The following RNF220 variants were observed in gnomAD, a reference collection of about 807,000 sequenced individuals.
RNF220 encodes the protein E3 ubiquitin-protein ligase RNF220.
In RNF220, 7 loss-of-function variants were observed where a neutral mutation model predicts 67.1. The ratio of observed to expected loss-of-function variants is 0.10; its 90% CI spans 0.06 to 0.20. The LOEUF (loss-of-function observed/expected upper bound fraction) is 0.20. RNF220 is among the 10% of genes least tolerant of loss of function. The probability of loss-of-function intolerance (pLI) is 1.00; values close to 1 mark genes in which losing one functional copy is unlikely to be tolerated. For synonymous variants in RNF220, 270 were observed against 283.2 expected (o/e 0.95, Z 0.47); for missense variants, 565 against 740.3 (o/e 0.76, Z 2.75).
At chr1:44,489,775 G>A (rs1180502430) in intron 2 of RNF220, among the ~76,000 whole-genome samples, 1 of 152,148 alleles carries the variant, frequency 6.6e-6, no homozygotes, top group Non-Finnish European at 1.5e-5. Flanking sequence ...TCATGACCCC[G>A]CAGTTGAATG....
intron 2 of RNF220, among the ~76,000 whole-genome samples, chr1:44,448,639 A>C (rs1652346928): frequency 6.6e-6 from 1 of 152,250 alleles, no homozygotes; most frequent in African/African-American, 2.4e-5. Flanking sequence ...CTTGAGATTT[A>C]GGAAACTTCT....
intron 8 of RNF220, among the ~76,000 whole-genome samples, chr1:44,640,307 G>A (rs544909373): frequency 3.2e-4 from 48 of 152,356 alleles, no homozygotes; most frequent in African/African-American, 1.2e-3. Context: ...AGTGACAGGT[G>A]TTGGAACAGC....
intron 5 of RNF220, chr1:44,632,006 T>TGC (rs1553127008): frequency 2.7e-5 from 28 of 1,022,030 alleles, no homozygotes; most frequent in Non-Finnish European, 8.2e-6. Context: ...GGAGCTGAAG[T>TGC]GCCGCCGCCG....
intron 2 of RNF220, among the ~76,000 whole-genome samples, chr1:44,510,211 C>A (rs565898536): frequency 6.7e-6 from 1 of 148,456 alleles, no homozygotes; most frequent in Non-Finnish European, 1.5e-5. Flanking sequence ...TGCACTCCAG[C>A]CTGGGTGACA....
chr1:44,558,863 A>G (rs1212475382), intron 2 of RNF220, among the ~76,000 whole-genome samples: 1 of 152,166 alleles, frequency 6.6e-6, no homozygotes, highest in East Asian at 1.9e-4. Flanking sequence ...ACCTGTCTCA[A>G]CCCAACTTTT....
At chr1:44,602,292 A>G (rs1160028082) in intron 2 of RNF220, among the ~76,000 whole-genome samples, 2 of 152,126 alleles carry the variant, frequency 1.3e-5, no homozygotes, top group African/African-American at 4.8e-5. Context: ...GACCTCAAAG[A>G]GTCCAGAGGG....
chr1:44,468,540 A>C (rs983691287), intron 2 of RNF220, among the ~76,000 whole-genome samples: 1 of 152,218 alleles, frequency 6.6e-6, no homozygotes, highest in African/African-American at 2.4e-5. Flanking sequence ...AGGGGAATTG[A>C]GCTGGAAAAC....
At chr1:44,564,947 C>A (rs564810986) in intron 2 of RNF220, among the ~76,000 whole-genome samples, 4 of 152,178 alleles carry the variant, frequency 2.6e-5, no homozygotes, top group East Asian at 3.9e-4. Context: ...CAACTCTATC[C>A]CCAGCACATA....
rs535222456 is a variant in RNF220, at chr1:44,600,392, C to G, written c.626-13773C>G. Among the ~76,000 whole-genome samples, 9 of 152,280 alleles carry G rather than the reference C, an allele frequency of 5.9e-5. No individual in the cohort carries two copies. Among genetic ancestry groups the G allele is most frequent in the African/African-American group, 2.2e-4 (9 of 41,536 alleles). The stretch of plus-strand genomic sequence containing the variant: ...GGGCAATAGCTAACATCAGAGGCAG[C>G]AGAATAGCGTGACTAAGAGCATGCA... On this transcript the variant is annotated intron_variant, in intron 2 of 14. Coordinates refer to ENST00000361799, the MANE Select transcript of RNF220 (RefSeq NM_018150.4). This position sits in a 1 kb window ranked among gnomAD's most constrained non-coding sequence, Gnocchi z 4.0.
At position 44,412,668 on chromosome 1, in the gene RNF220, G is replaced by C; in HGVS notation, c.571G>C (p.Gly191Arg). 5 of 1,614,140 alleles carry C rather than the reference G, an allele frequency of 3.1e-6. No individual in the cohort carries two copies. The highest frequency in any genetic ancestry group is 4.2e-6 in the Non-Finnish European group (5 of 1,180,028). Residue 191 changes from glycine (G) to arginine (R), a missense_variant, in exon 2 of 15, where the codon GGC (glycine) becomes CGC (arginine). By Grantham distance (125) the Gly-to-Arg change is moderately radical. Transcript: ENST00000361799. The surrounding 1 kb of genome is among the most constrained non-coding windows in gnomAD (Gnocchi z 5.3). The stretch of plus-strand genomic sequence containing the variant: ...TGGGAAGAAGATTTTTGCTGTCTCT[G>C]GCCTCATTTCTGATCGGGAAGCCTC... ...DTGKKIFAVS[G>R]LISDREASSS...
Position 44,622,697 on chromosome 1 carries a change from G to C in RNF220, c.759-45G>C, listed in dbSNP as rs372686656. ...TTGCTACTCTACCGTTGCATGCCCTGGGCAGCAGGTAGAATGGTTACCCTG... is the reference window on the plus strand; with the variant it reads ...TTGCTACTCTACCGTTGCATGCCCTCGGCAGCAGGTAGAATGGTTACCCTG... On this transcript the variant is annotated intron_variant, in intron 3 of 14. Transcript: ENST00000361799. This position sits in a 1 kb window ranked among gnomAD's most constrained non-coding sequence, Gnocchi z 4.3. 2 of 1,573,800 alleles carry C rather than the reference G, an allele frequency of 1.3e-6. No homozygotes were observed. The highest frequency in any genetic ancestry group is 2.7e-5 in the African/African-American group (2 of 74,102).
At chr1:44,524,278 AT>A (rs1439324854) in intron 2 of RNF220, among the ~76,000 whole-genome samples, 1 of 152,070 alleles carries the variant, frequency 6.6e-6, no homozygotes, top group Non-Finnish European at 1.5e-5. Context: ...TGGCCAGATA[AT>A]TAGTCCATTA....
At chr1:44,467,474 G>A (rs982572730) in intron 2 of RNF220, among the ~76,000 whole-genome samples, 1 of 152,242 alleles carries the variant, frequency 6.6e-6, no homozygotes, top group South Asian at 2.1e-4. Flanking sequence ...GCCTCCCAAA[G>A]TGCTGGGATT....
chr1:44,491,871 C>T (rs1376748477), intron 2 of RNF220, among the ~76,000 whole-genome samples: 4 of 152,096 alleles, frequency 2.6e-5, no homozygotes, highest in Non-Finnish European at 5.9e-5. Context: ...GCCATGTTGG[C>T]CAGGCTGGGC....
chr1:44,573,429 C>T (rs114323589), intron 2 of RNF220, among the ~76,000 whole-genome samples: 13 of 152,226 alleles, frequency 8.5e-5, no homozygotes, highest in Admixed American at 3.3e-4. Flanking sequence ...ATGAGGACAC[C>T]GGGCTAGAAA....
Position 44,407,122 on chromosome 1 carries a change from C to A in RNF220, c.-118+1592C>A, listed in dbSNP as rs568741524. On this transcript the variant is annotated intron_variant, in intron 1 of 14. Coordinates refer to ENST00000361799, the MANE Select transcript of RNF220 (RefSeq NM_018150.4). ...CCGGGCCATAGGTGTGGGGGCACAG[C>A]CCTACCTGGCCGGCCCGGGTCGTCT... is the stretch of plus-strand genomic sequence containing the variant. Among the ~76,000 whole-genome samples the A allele has an allele frequency of 2.4e-4, 36 of 152,278 alleles. No individual in the cohort carries two copies. The South Asian group carries it at 4.6e-3, about 19-fold the overall frequency.
At chr1:44,524,769 C>T (rs1660233039) in intron 2 of RNF220, among the ~76,000 whole-genome samples, 1 of 152,192 alleles carries the variant, frequency 6.6e-6, no homozygotes, top group African/African-American at 2.4e-5. Context: ...CGCATTACTG[C>T]CCTTGACGTT....
At chr1:44,613,706 A>G (rs1643417845) in intron 2 of RNF220, among the ~76,000 whole-genome samples, 1 of 152,172 alleles carries the variant, frequency 6.6e-6, no homozygotes, top group Non-Finnish European at 1.5e-5. Context: ...ATGAAATCCC[A>G]TCTCTACAAA....
rs1667182126 is a variant in RNF220 at position 44,605,159 on chromosome 1, TGTG to T, written c.626-8998_626-8996del. On this transcript the variant is annotated intron_variant, in intron 2 of 14. Transcript: ENST00000361799. Reference sequence around the variant, plus strand: ...ACTAAAAATACAAAAATTACCCGAGTGTGGTGGTGGGCACCTATAGTCCCAGCT... The same window carrying T: ...ACTAAAAATACAAAAATTACCCGAGTGTGGTGGGCACCTATAGTCCCAGCT... 2.0e-5 allele frequency among the ~76,000 whole-genome samples: 3 copies of T among 151,448 alleles called. No homozygotes were observed. The South Asian group carries it at 6.3e-4, about 32-fold the overall frequency.
Sources: allele counts gnomAD v4.1 joint callset (sites outside exome capture counted in the v4.1 genomes callset), GRCh38; gene constraint gnomAD v4.1.1; non-coding constraint Gnocchi (gnomAD v3.1); transcripts MANE v1.5; gene names NCBI Gene and HGNC (gene_info 2026-07-23, HGNC 2026-07-21).